Variants in SYK observed in about 807,000 individuals in gnomAD.
SYK encodes the protein spleen associated tyrosine kinase.
In SYK, 16 loss-of-function variants were observed where a neutral mutation model predicts 77.8. The observed-to-expected ratio is 0.21, with a 90% CI of 0.14 to 0.31. SYK has a LOEUF of 0.31. Among genes scored for constraint, SYK ranks in the 10% least tolerant of loss-of-function variants. SYK has a pLI of 1.00. For synonymous variants in SYK, 312 were observed against 308.7 expected (o/e 1.01, Z -0.11); for missense variants, 529 against 814.4 (o/e 0.65, Z 4.26).
chr9:90,839,712 C>T (rs1826223396), intron 1 of SYK, among the ~76,000 whole-genome samples: 1 of 152,170 alleles, frequency 6.6e-6, no homozygotes. Context: ...GCTGATGGTG[C>T]AGTCTGCTGT....
intron 7 of SYK, among the ~76,000 whole-genome samples, chr9:90,867,936 T>C (rs369041564): frequency 3.9e-4 from 59 of 152,242 alleles, no homozygotes; most frequent in African/African-American, 1.4e-3. Context: ...ACTTTTATTA[T>C]CAGTGGGGTA....
intron 1 of SYK, among the ~76,000 whole-genome samples, chr9:90,815,900 G>A (rs1306402816): frequency 6.6e-6 from 1 of 152,162 alleles, no homozygotes; most frequent in Non-Finnish European, 1.5e-5. Flanking sequence ...GATAATTCTA[G>A]AGCAACTGCT....
intron 1 of SYK, among the ~76,000 whole-genome samples, chr9:90,806,463 G>A (rs1292625989): frequency 6.6e-6 from 1 of 151,224 alleles, no homozygotes; most frequent in Admixed American, 6.6e-5. Flanking sequence ...TCAAACTCCT[G>A]GGCCCAAGCA....
intron 13 of SYK, among the ~76,000 whole-genome samples, chr9:90,889,919 TG>T (rs1190123830): frequency 6.6e-6 from 1 of 152,240 alleles, no homozygotes; most frequent in Non-Finnish European, 1.5e-5. Flanking sequence ...CTTGGGCACG[TG>T]GCAGCCTATG....
At chr9:90,865,271 GTGATAA>G (rs1183087229) in intron 6 of SYK, among the ~76,000 whole-genome samples, 174 bp downstream of exon 6, 1 of 152,050 alleles carries the variant, frequency 6.6e-6, no homozygotes, top group Admixed American at 6.6e-5. Flanking sequence ...CCTCCTATTA[GTGATAA>G]ACTAACCACA....
At chr9:90,885,456 T>C (rs1388662196) in intron 11 of SYK, among the ~76,000 whole-genome samples, 1 of 152,030 alleles carries the variant, frequency 6.6e-6, no homozygotes, top group African/African-American at 2.4e-5. Flanking sequence ...TGAAGACAGG[T>C]CTTTTGAAAC....
chr9:90,890,223 G>A (rs1364860106), intron 13 of SYK, among the ~76,000 whole-genome samples: 1 of 152,192 alleles, frequency 6.6e-6, no homozygotes, highest in Admixed American at 6.5e-5. Flanking sequence ...CTCCCAGGTG[G>A]GTGCAGTGAG....
intron 13 of SYK, among the ~76,000 whole-genome samples, chr9:90,889,683 C>A (rs1452099346): frequency 2.6e-5 from 4 of 152,232 alleles, no homozygotes. Context: ...CTGCTGCTGC[C>A]GTGGCTCAGG....
intron 1 of SYK, among the ~76,000 whole-genome samples, chr9:90,815,193 A>G (rs1825245281): frequency 6.6e-6 from 1 of 152,240 alleles, no homozygotes; most frequent in African/African-American, 2.4e-5. Flanking sequence ...GTTTCTCACG[A>G]AGGCAAAACA....
At position 90,844,235 on chromosome 9, in the gene SYK, G is replaced by A. The variant is rs1229812218; in HGVS notation, c.337G>A (p.Val113Met). ...GAAGCCCTTCAACCGGCCCCAAGGG[G>A]TGCAGCCCAAGACTGGGCCCTTTGA... ...LKKPFNRPQG[V>M]QPKTGPFEDL... Residue 113 changes from valine to methionine, a missense_variant, in exon 2 of 14, where the codon GTG (valine) becomes ATG (methionine). Val to Met is a conservative substitution (Grantham distance 21). Around this residue, in one of 2 missense-constraint regions of SYK, gnomAD observed 321 missense variants for 433.1 expected, o/e 0.74. Transcript: ENST00000375754. 2.5e-6 allele frequency: 4 copies of A among 1,614,112 alleles called. No individual in the cohort carries two copies. The highest frequency in any genetic ancestry group is 2.7e-5 in the African/African-American group (2 of 74,948).
chr9:90,817,870 TGTGTGTGTGTGTGA>T (rs1325429430), intron 1 of SYK, among the ~76,000 whole-genome samples: 16 of 31,092 alleles, frequency 5.1e-4, no homozygotes, highest in East Asian at 2.5e-3. Flanking sequence ...TGTGTGTGTG[TGTGTGTGTGTGTGA>T]GAGAGAGAGA....
chr9:90,835,970 C>A (rs1028365722), intron 1 of SYK, among the ~76,000 whole-genome samples: 1 of 152,150 alleles, frequency 6.6e-6, no homozygotes, highest in African/African-American at 2.4e-5. Flanking sequence ...TAAAAACTTG[C>A]AGATGAACTC....
At chr9:90,887,973 C>T (rs1359980415) in intron 12 of SYK, 84 bp downstream of exon 12, 6 of 1,449,550 alleles carry the variant, frequency 4.1e-6, no homozygotes, top group African/African-American at 2.9e-5. Flanking sequence ...ACCTGAAAAT[C>T]CTAATCTGAG....
chr9:90,820,988 A>G (rs971889046), intron 1 of SYK, among the ~76,000 whole-genome samples: 7 of 152,270 alleles, frequency 4.6e-5, no homozygotes, highest in Non-Finnish European at 1.0e-4. Flanking sequence ...AAAGTTTCAC[A>G]GATCTCTAGG....
At chr9:90,836,014 C>A (rs576175979) in intron 1 of SYK, among the ~76,000 whole-genome samples, 1 of 152,078 alleles carries the variant, frequency 6.6e-6, no homozygotes, top group Non-Finnish European at 1.5e-5. Context: ...GTTGGCCGGG[C>A]GCTGTGGCTC....
Position 90,862,516 on chromosome 9 carries a change from G to GACCACACCT in SYK, c.717+172_717+173insACCACACCT, listed in dbSNP as rs1458132989. Among the ~76,000 whole-genome samples, 5 of 152,128 alleles carry GACCACACCT rather than the reference G, an allele frequency of 3.3e-5. No homozygotes were observed. The South Asian group carries it at 6.2e-4, about 19-fold the overall frequency. ...GAAACACACACCTGGACCACACCTGGGCTCCTGCCCCACCTGCCCATCAGA... is the reference window on the plus strand; with the variant it reads ...GAAACACACACCTGGACCACACCTGGACCACACCTGCTCCTGCCCCACCTGCCCATCAGA... On this transcript the variant is annotated intron_variant, in intron 4 of 13. Coordinates refer to ENST00000375754, the MANE Select transcript of SYK (RefSeq NM_003177.7).
intron 3 of SYK, among the ~76,000 whole-genome samples, chr9:90,857,135 GA>G (rs980378658): frequency 2.0e-5 from 3 of 152,230 alleles, no homozygotes; most frequent in Non-Finnish European, 4.4e-5. Flanking sequence ...TGCGGCTTAG[GA>G]AAAACCTTTT....
chr9:90,878,851 A>G lies in SYK; in HGVS notation c.1479A>G (p.Arg493=). The change falls in exon 11 of 14, where the codon AGA becomes AGG. Residue 493 remains arginine (R), a synonymous_variant. Transcript: ENST00000375754. ...TGGAGGAGAGCAATTTTGTGCACAG[A>G]GATCTGGCTGCAAGAAATGTGTTGC... The part of the protein sequence containing the change: ...KYLEESNFVH[R]DLAARNVLLV... The G allele has an allele frequency of 6.2e-7, 1 of 1,614,210 alleles. No homozygotes were observed. Among genetic ancestry groups the G allele is most frequent in the Non-Finnish European group, 8.5e-7 (1 of 1,180,014 alleles).
intron 1 of SYK, among the ~76,000 whole-genome samples, chr9:90,824,465 C>A (rs563002963): frequency 5.9e-5 from 9 of 152,156 alleles, no homozygotes; most frequent in African/African-American, 2.2e-4. Flanking sequence ...TATACAAAAA[C>A]CCTCAACAAA....
Sources: gnomAD v4.1 joint callset for allele counts (sites outside exome capture counted in the v4.1 genomes callset) on GRCh38, gnomAD v4.1.1 for gene constraint, gnomAD v4.1.1 regional missense constraint, MANE v1.5 for transcripts, NCBI Gene and HGNC (gene_info 2026-07-23, HGNC 2026-07-21) for gene names.